Variants in TMEM135 observed in about 807,000 individuals in gnomAD.
TMEM135 encodes the protein peroxisomal membrane protein 52.
A neutral mutation model predicts 60.3 loss-of-function variants in TMEM135; 30 were observed. The ratio of observed to expected loss-of-function variants is 0.50; its 90% CI spans 0.37 to 0.68. The LOEUF (loss-of-function observed/expected upper bound fraction) is 0.68. TMEM135 is among the 30% of genes least tolerant of loss of function. The pLI is 0.00. For missense variants in TMEM135, 468 were observed against 548.8 expected, an observed-to-expected ratio of 0.85 and a Z score of 1.47; for synonymous variants, 190 against 186.7, an observed-to-expected ratio of 1.02 and a Z score of -0.14.
chr11:87,075,008 T>C (rs976395069), intron 3 of TMEM135, among the ~76,000 whole-genome samples: 17 of 152,114 alleles, frequency 1.1e-4, no homozygotes, highest in Non-Finnish European at 2.4e-4. Flanking sequence ...GATGTGATCA[T>C]AGCTCACTGC....
At position 87,321,616 on chromosome 11, in the gene TMEM135, A is replaced by G. The variant is rs1462314490; in HGVS notation, c.*283A>G. On this transcript the variant is annotated 3_prime_UTR_variant, in exon 15 of 15. Coordinates refer to ENST00000305494, the MANE Select transcript of TMEM135 (RefSeq NM_022918.4). ...TTATGTCCACAAGCAATATTATATA[A>G]TCTACGTAGAAGTGTAATAACAAAC... 1 of 569,874 alleles carries G rather than the reference A, an allele frequency of 1.8e-6. No homozygotes were observed. The highest frequency in any genetic ancestry group is 1.9e-5 in the African/African-American group (1 of 54,032). The allele number at this position is 569,874 out of a possible 1,614,324, so 35.3% of individuals were successfully genotyped here. A position where few individuals can be genotyped will look rare whatever the true frequency, so the allele number is the denominator to read the frequency against.
At chr11:87,319,427 T>C in intron 14 of TMEM135, 50 bp downstream of exon 14, 1 of 1,304,426 alleles carries the variant, frequency 7.7e-7, no homozygotes, top group Non-Finnish European at 1.1e-6. Flanking sequence ...GTTTTATCTT[T>C]TTGAGGGAAT....
At chr11:87,290,894 C>T (rs6592348) in intron 6 of TMEM135, among the ~76,000 whole-genome samples, 16,194 of 152,068 alleles carry the variant, frequency 0.11, 904 homozygotes, top group South Asian at 0.14. Context: ...GAAAAGTCTA[C>T]ATATATGAGT....
intron 3 of TMEM135, 32 bp from the exon 4 acceptor site, chr11:87,091,330 G>A: frequency 6.3e-7 from 1 of 1,595,732 alleles, no homozygotes; most frequent in Non-Finnish European, 8.6e-7. Flanking sequence ...TCAAATTGAA[G>A]TTTAATATCT....
At chr11:87,159,066 G>A (rs1433202443) in intron 5 of TMEM135, among the ~76,000 whole-genome samples, 4 of 152,080 alleles carry the variant, frequency 2.6e-5, no homozygotes, top group Admixed American at 6.6e-5. Context: ...CAACGCATTG[G>A]ATATATACTT....
rs1031967183 is a variant in TMEM135, at chr11:87,245,574, C to T, written c.509+8890C>T. ...TATGTATTTAGGATAGTTAGCTCTT[C>T]TTGTTGAATTGATCCCTTTACCATT... On this transcript the variant is annotated intron_variant, in intron 6 of 14. Coordinates refer to ENST00000305494, the MANE Select transcript of TMEM135 (RefSeq NM_022918.4). Among the ~76,000 whole-genome samples, 35 of 141,734 alleles carry T rather than the reference C, an allele frequency of 2.5e-4. 1 individual carries two copies. Among genetic ancestry groups the T allele is most frequent in the Non-Finnish European group, 4.5e-4 (29 of 64,970 alleles). 93.0% of individuals were successfully genotyped at this position (141,734 alleles called of 152,430 possible).
chr11:87,107,509 G>C (rs1488551914), intron 4 of TMEM135, among the ~76,000 whole-genome samples: 1 of 151,378 alleles, frequency 6.6e-6, no homozygotes, highest in Non-Finnish European at 1.5e-5. Flanking sequence ...GTGAGAACAT[G>C]CAGTGTTTAG....
At chr11:87,188,373 C>G (rs1306780451) in intron 5 of TMEM135, among the ~76,000 whole-genome samples, 1 of 152,086 alleles carries the variant, frequency 6.6e-6, no homozygotes, top group Non-Finnish European at 1.5e-5. Context: ...TTACCCTTAT[C>G]TTGTCTTTTA....
intron 5 of TMEM135, among the ~76,000 whole-genome samples, chr11:87,174,768 GCCC>G: frequency 6.6e-6 from 1 of 152,064 alleles, no homozygotes; most frequent in Non-Finnish European, 1.5e-5. Flanking sequence ...TTTGTTCAAT[GCCC>G]TTTTGTTATA....
At chr11:87,237,378 G>T (rs534589870) in intron 6 of TMEM135, among the ~76,000 whole-genome samples, 12 of 151,566 alleles carry the variant, frequency 7.9e-5, no homozygotes, top group South Asian at 2.1e-4. Context: ...TACTCTTATT[G>T]CCCTCATTTG....
intron 4 of TMEM135, among the ~76,000 whole-genome samples, chr11:87,103,730 C>G (rs2135187947): frequency 6.6e-6 from 1 of 152,078 alleles, no homozygotes; most frequent in South Asian, 2.1e-4. Flanking sequence ...GCAACCTTGG[C>G]TCACTGCAAC....
intron 4 of TMEM135, among the ~76,000 whole-genome samples, chr11:87,151,397 A>G (rs1357484196): frequency 6.6e-6 from 1 of 152,050 alleles, no homozygotes; most frequent in Non-Finnish European, 1.5e-5. Flanking sequence ...TTATGGTTGC[A>G]GTGGATGTGT....
chr11:87,188,054 T>TC (rs1284006038), intron 5 of TMEM135, among the ~76,000 whole-genome samples: 1 of 152,164 alleles, frequency 6.6e-6, no homozygotes, highest in Non-Finnish European at 1.5e-5. Flanking sequence ...ACTTACAAGT[T>TC]CAGTGTTGAA....
intron 5 of TMEM135, among the ~76,000 whole-genome samples, chr11:87,234,658 A>G (rs1940957128): frequency 1.3e-5 from 2 of 152,006 alleles, no homozygotes; most frequent in African/African-American, 2.4e-5. Flanking sequence ...TCGAAGTATG[A>G]TATTATTCTC....
intron 5 of TMEM135, among the ~76,000 whole-genome samples, chr11:87,172,099 G>A (rs1184194322): frequency 6.6e-6 from 1 of 152,106 alleles, no homozygotes; most frequent in Admixed American, 6.6e-5. Flanking sequence ...CACCGAGCTT[G>A]AGAATTGCCC....
intron 5 of TMEM135, among the ~76,000 whole-genome samples, chr11:87,159,025 C>T (rs1938787936): frequency 6.6e-6 from 1 of 152,076 alleles, no homozygotes; most frequent in South Asian, 2.1e-4. Context: ...ATGTATGCAG[C>T]ACAGCTGTAT....
intron 5 of TMEM135, among the ~76,000 whole-genome samples, chr11:87,160,807 A>G (rs752863598): frequency 6.6e-6 from 1 of 152,222 alleles, no homozygotes; most frequent in Non-Finnish European, 1.5e-5. Context: ...ATGTTTAACT[A>G]TGGTGATGTT....
chr11:87,212,384 A>C (rs1351621604), intron 5 of TMEM135, among the ~76,000 whole-genome samples: 1 of 152,200 alleles, frequency 6.6e-6, no homozygotes, highest in Non-Finnish European at 1.5e-5. Flanking sequence ...TAAAACTTGG[A>C]TGAAATACAG....
At chr11:87,308,939 C>T (rs1017491063) in intron 9 of TMEM135, among the ~76,000 whole-genome samples, 5 of 152,032 alleles carry the variant, frequency 3.3e-5, no homozygotes, top group African/African-American at 7.2e-5. Flanking sequence ...TGTTTTAGCC[C>T]GACAGGAATG....
Sources: allele counts gnomAD v4.1 joint callset (sites outside exome capture counted in the v4.1 genomes callset), GRCh38; gene constraint gnomAD v4.1.1; transcripts MANE v1.5; gene names NCBI Gene and HGNC (gene_info 2026-07-23, HGNC 2026-07-21).